Variants in ATM observed in about 807,000 individuals in gnomAD.
ATM encodes the protein ATM serine/threonine kinase.
In ATM, 308 loss-of-function variants were observed where a neutral mutation model predicts 387.0. The ratio of observed to expected loss-of-function variants is 0.80; its 90% CI spans 0.73 to 0.87. ATM has a LOEUF of 0.87. ATM is among the 40% of genes least tolerant of loss of function. The pLI is 0.00. For missense variants in ATM, 3,312 were observed against 3,560.9 expected, an observed-to-expected ratio of 0.93 and a Z score of 1.78; for synonymous variants, 1,156 against 1,187.3, an observed-to-expected ratio of 0.97 and a Z score of 0.54.
Position 108,272,808 on chromosome 11 carries a change from C to T in ATM, c.3240C>T (p.Asp1080=). ...VNEVFTQFLA[D]NHHQVRMLAA... ...AAGTATTTACACAATTTCTTGCTGA[C>T]AATCATCACCAAGTTCGCATGTTGG... The change falls in exon 22 of 63, where the codon GAC becomes GAT. Residue 1080 remains aspartate (D), a synonymous_variant. Coordinates refer to ENST00000675843, the MANE Select transcript of ATM (RefSeq NM_000051.4). The T allele has an allele frequency of 6.2e-7, 1 of 1,614,068 alleles. No individual in the cohort carries two copies. The highest frequency in any genetic ancestry group is 8.5e-7 in the Non-Finnish European group (1 of 1,179,992).
chr11:108,339,913 CAGAA>C (rs1344518979), intron 56 of ATM, among the ~76,000 whole-genome samples: 5 of 152,076 alleles, frequency 3.3e-5, no homozygotes, highest in Admixed American at 3.3e-4. Flanking sequence ...GAAGGGAAAT[CAGAA>C]AGGCCATGAG....
rs1424256410 is a variant in ATM at position 108,329,003 on chromosome 11, GGTTGT to G, written c.7090-14_7090-10del. The G allele has an allele frequency of 1.3e-6, 2 of 1,596,436 alleles. No individual in the cohort carries two copies. Among genetic ancestry groups the G allele is most frequent in the South Asian group, 2.2e-5 (2 of 90,666 alleles). ...AGTATTTGTAAATATAATTTAAATT[GGTTGT>G]GTTTTCTTGAAGGCAGTAGAAGTTG... is the stretch of plus-strand genomic sequence containing the variant. On this transcript the variant is annotated splice_polypyrimidine_tract_variant and intron_variant, in intron 48 of 62. Coordinates refer to ENST00000675843, the MANE Select transcript of ATM (RefSeq NM_000051.4).
At chr11:108,325,277 T>C (rs2136304568) in intron 45 of ATM, 33 bp from the exon 46 acceptor site, 2 of 1,149,122 alleles carry the variant, frequency 1.7e-6, no homozygotes, top group Non-Finnish European at 2.6e-6. Context: ...TTCATTTCTC[T>C]TGCTTACATG....
At chr11:108,256,877 A>G (rs1388783162) in intron 14 of ATM, among the ~76,000 whole-genome samples, 1 of 152,154 alleles carries the variant, frequency 6.6e-6, no homozygotes, top group African/African-American at 2.4e-5. Context: ...ATAGTATATC[A>G]TGGTGTATAT....
chr11:108,242,698 A>G (rs1297219142), intron 5 of ATM, among the ~76,000 whole-genome samples: 9 of 152,070 alleles, frequency 5.9e-5, no homozygotes, highest in Admixed American at 3.9e-4. Flanking sequence ...TAGCCTATTG[A>G]TTATAAAAAG....
At chr11:108,259,133 G>C (rs1404985779) in intron 16 of ATM, 58 bp downstream of exon 16, 1 of 1,385,704 alleles carries the variant, frequency 7.2e-7, no homozygotes, top group Admixed American at 1.8e-5. Flanking sequence ...TAATTTTTTT[G>C]TTGAAATATC....
intron 61 of ATM, among the ~76,000 whole-genome samples, chr11:108,361,883 C>G (rs1183920059): frequency 6.6e-6 from 1 of 150,742 alleles, no homozygotes; most frequent in African/African-American, 2.4e-5. Context: ...AGGACATAGG[C>G]ATGGGCAAGG....
At chr11:108,347,390 A>G (rs377596176) in intron 59 of ATM, 25 bp downstream of exon 59, 4 of 1,516,646 alleles carry the variant, frequency 2.6e-6, no homozygotes, top group Admixed American at 3.4e-5. Flanking sequence ...CTATGTATCT[A>G]TTCTTTTTAG....
chr11:108,229,001 G>A (rs998324473), intron 3 of ATM, among the ~76,000 whole-genome samples, 177 bp from the exon 4 acceptor site: 8 of 152,202 alleles, frequency 5.3e-5, no homozygotes, highest in Non-Finnish European at 1.2e-4. Flanking sequence ...AATTGGTCTT[G>A]TAGGAGTTAG....
chr11:108,328,408 G>A lies in ATM; in HGVS notation c.7090-613G>A, dbSNP rs567395825. Among the ~76,000 whole-genome samples the A allele has an allele frequency of 2.8e-4, 42 of 152,034 alleles. 1 individual carries two copies. Among genetic ancestry groups the A allele is most frequent in the Admixed American group, 2.5e-3 (38 of 15,270 alleles). ...ACTACAGGAGTGTGCCACCACACCC[G>A]GCTAATATTTTTTATTTTTAGTAGA... On this transcript the variant is annotated intron_variant, in intron 48 of 62. Transcript: ENST00000675843.
chr11:108,260,487 C>A (rs1042182470), intron 16 of ATM, among the ~76,000 whole-genome samples: 5 of 152,150 alleles, frequency 3.3e-5, no homozygotes, highest in African/African-American at 1.2e-4. Flanking sequence ...CTTGCTTGTT[C>A]AAAAGGAATG....
At chr11:108,283,462 A>G (rs949511413) in intron 25 of ATM, among the ~76,000 whole-genome samples, 2 of 152,228 alleles carry the variant, frequency 1.3e-5, no homozygotes, top group African/African-American at 4.8e-5. Flanking sequence ...TTTGTTGAAC[A>G]TGCTCTGTGT....
intron 17 of ATM, among the ~76,000 whole-genome samples, chr11:108,267,739 C>T (rs2081341136): frequency 6.6e-6 from 1 of 152,112 alleles, no homozygotes; most frequent in African/African-American, 2.4e-5. Flanking sequence ...CGCCTGTAGT[C>T]CCAGCTACTC....
At chr11:108,293,547 G>A in intron 31 of ATM, 70 bp downstream of exon 31, 1 of 1,306,976 alleles carries the variant, frequency 7.7e-7, no homozygotes, top group Non-Finnish European at 1.1e-6. Context: ...AATCTGTAAT[G>A]CTCTAGCAGT....
intron 33 of ATM, among the ~76,000 whole-genome samples, chr11:108,298,278 ATCTT>A (rs759168411): frequency 3.9e-5 from 6 of 152,226 alleles, no homozygotes; most frequent in African/African-American, 7.2e-5. Context: ...AGATTCTACT[ATCTT>A]TCTTCAACAG....
At position 108,325,551 on chromosome 11, in the gene ATM, AC is replaced by A. The variant is rs1555119385; in HGVS notation, c.6807+8del. On this transcript the variant is annotated splice_region_variant and intron_variant, in intron 46 of 62. Transcript: ENST00000675843. ...AACTTTCAAGAACACTCAGGTAAAT[AC>A]AATTTAAAACTATGTCATCTTACCT... is the stretch of plus-strand genomic sequence containing the variant. 2.5e-6 allele frequency: 4 copies of A among 1,577,760 alleles called. No homozygotes were observed. The highest frequency in any genetic ancestry group is 3.5e-6 in the Non-Finnish European group (4 of 1,151,064).
Position 108,243,431 on chromosome 11 carries a change from G to A in ATM, c.497-522G>A, listed in dbSNP as rs570903104. On this transcript the variant is annotated intron_variant, in intron 5 of 62. Coordinates refer to ENST00000675843, the MANE Select transcript of ATM (RefSeq NM_000051.4). ...AGTTTGAGACCAGCCTGACCAACAC[G>A]GTGAAACCCCATCTTTACTAACAGT... 1.2e-4 allele frequency among the ~76,000 whole-genome samples: 18 copies of A among 152,142 alleles called. No individual in the cohort carries two copies. The East Asian group carries it at 2.5e-3, about 21-fold the overall frequency.
intron 26 of ATM, among the ~76,000 whole-genome samples, chr11:108,286,689 T>C (rs2082510865): frequency 1.3e-5 from 2 of 152,150 alleles, no homozygotes; most frequent in South Asian, 4.1e-4. Flanking sequence ...GTTGGGGTTT[T>C]CCTTTTGATT....
chr11:108,325,248 AGTTTT>A, intron 45 of ATM, 57 bp from the exon 46 acceptor site: 3 of 907,834 alleles, frequency 3.3e-6, no homozygotes, highest in Non-Finnish European at 4.9e-6. Context: ...GAACTTACAT[AGTTTT>A]TTTTTTTTTT....
Sources: gnomAD v4.1 joint callset for allele counts (sites outside exome capture counted in the v4.1 genomes callset) on GRCh38, gnomAD v4.1.1 for gene constraint, MANE v1.5 for transcripts, NCBI Gene and HGNC (gene_info 2026-07-23, HGNC 2026-07-21) for gene names.